The following PLCG2 variants were observed in gnomAD, a reference collection of about 807,000 sequenced individuals.
PLCG2 encodes the protein 1-phosphatidylinositol 4,5-bisphosphate phosphodiesterase gamma-2.
PLCG2 carries 69 observed loss-of-function variants against 175.6 expected under a neutral mutation model. The ratio of observed to expected loss-of-function variants is 0.39; its 90% CI spans 0.32 to 0.48. The LOEUF is 0.48. PLCG2 is among the 20% of genes least tolerant of loss of function. The pLI is 0.91. For synonymous variants in PLCG2, 827 were observed against 624.0 expected, an observed-to-expected ratio of 1.33 and a Z score of -4.85; for missense variants, 1,798 against 1,650.9, an observed-to-expected ratio of 1.09 and a Z score of -1.54.
At chr16:81,807,163 G>C (rs544404030) in intron 2 of PLCG2, among the ~76,000 whole-genome samples, 2 of 152,118 alleles carry the variant, frequency 1.3e-5, no homozygotes, top group Non-Finnish European at 2.9e-5. Context: ...CTTGTTGAAC[G>C]TGGTGATTCA....
intron 19 of PLCG2, among the ~76,000 whole-genome samples, chr16:81,916,961 C>T (rs67522021): frequency 0.39 from 59,209 of 151,930 alleles, 12,578 homozygotes; most frequent in East Asian, 0.78. Context: ...TGACTATAGT[C>T]CCTATGCTGT....
In PLCG2 at chr16:81,911,084, C is replaced by T. The variant is rs577384146; in HGVS notation, c.1934+364C>T. Among the ~76,000 whole-genome samples, 12 of 152,230 alleles carry T rather than the reference C, an allele frequency of 7.9e-5. No individual in the cohort carries two copies. In the East Asian group the frequency reaches 2.1e-3, roughly 27 times the overall value. On this transcript the variant is annotated intron_variant, in intron 18 of 32. Transcript: ENST00000564138. ...ACAAGGAAACAATGATTATAAGAGT[C>T]TCCCGCTGATTTTTTTTATCTAGTG... is the stretch of plus-strand genomic sequence containing the variant.
chr16:81,926,151 G>C (rs1181807376), intron 22 of PLCG2, among the ~76,000 whole-genome samples: 3 of 152,220 alleles, frequency 2.0e-5, no homozygotes, highest in Admixed American at 2.0e-4. Context: ...CATGGCAGGG[G>C]CATGATAGGG....
chr16:81,890,162 G>A (rs1476919343), intron 10 of PLCG2, among the ~76,000 whole-genome samples: 2 of 152,182 alleles, frequency 1.3e-5, no homozygotes, highest in African/African-American at 4.8e-5. Context: ...GATGTTATCT[G>A]TAGGAGTAAC....
rs202166689 is a variant in PLCG2 at position 81,937,739 on chromosome 16, C to A, written c.3053-19C>A. On this transcript the variant is annotated intron_variant, in intron 27 of 32. Coordinates refer to ENST00000564138, the MANE Select transcript of PLCG2 (RefSeq NM_002661.5). ...GTGCTCATGCCTGACTTACAGCAGG[C>A]GTTCACTTTCCTTCCCAGATAAGTA... The A allele has an allele frequency of 3.7e-6, 6 of 1,610,136 alleles. No individual in the cohort carries two copies. The highest frequency in any genetic ancestry group is 2.7e-5 in the African/African-American group (2 of 74,754).
rs752735427 is a variant in PLCG2, at chr16:81,956,745, A to G, written c.3621A>G (p.Gln1207=). The change falls in exon 32 of 33, where the codon CAA becomes CAG. Residue 1207 remains glutamine, a synonymous_variant. Coordinates refer to ENST00000564138, the MANE Select transcript of PLCG2 (RefSeq NM_002661.5). The part of the protein sequence containing the change: ...YSSCRQLRRR[Q]EELNNQLFLY... ...CCTGTCGCCAGCTGAGGAGGCGGCA[A>G]GAAGAACTGAACAACCAGCTCTTTC... 11 of 1,614,034 alleles carry G rather than the reference A, an allele frequency of 6.8e-6. No individual in the cohort carries two copies. The highest frequency in any genetic ancestry group is 4.5e-5 in the East Asian group (2 of 44,898).
intron 1 of PLCG2, among the ~76,000 whole-genome samples, chr16:81,781,618 C>T (rs4889381): frequency 0.35 from 52,662 of 152,004 alleles, 9,431 homozygotes; most frequent in East Asian, 0.53. Flanking sequence ...TGGCTGACAC[C>T]ATTCCTTTGA....
At chr16:81,894,650 A>T (rs545977792) in intron 12 of PLCG2, among the ~76,000 whole-genome samples, 61 of 152,242 alleles carry the variant, frequency 4.0e-4, no homozygotes, top group African/African-American at 1.3e-3. Flanking sequence ...AGGTGGGCGG[A>T]TCACTTGAGA....
At chr16:81,771,504 T>G (rs143107712) in intron 2 of PLCG2, among the ~76,000 whole-genome samples, 2 of 152,276 alleles carry the variant, frequency 1.3e-5, no homozygotes, top group Non-Finnish European at 2.9e-5. Context: ...CTCTGAGAAG[T>G]CTTCGCAGCT....
In PLCG2 at chr16:81,912,177, C is replaced by A. The variant is rs1272387431; in HGVS notation, c.1935-420C>A. On this transcript the variant is annotated intron_variant, in intron 18 of 32. Coordinates refer to ENST00000564138, the MANE Select transcript of PLCG2 (RefSeq NM_002661.5). ...TGAACTCCTGGCTTCTCGCGATCCA[C>A]CTGCCTTGGCCTCCCAAAGTGCTGG... Among the ~76,000 whole-genome samples the A allele has an allele frequency of 2.0e-5, 3 of 152,154 alleles. No homozygotes were observed. The South Asian group carries it at 6.2e-4, about 32-fold the overall frequency.
At chr16:81,840,758 G>T (rs1388985819) in intron 2 of PLCG2, among the ~76,000 whole-genome samples, 1 of 152,180 alleles carries the variant, frequency 6.6e-6, no homozygotes, top group African/African-American at 2.4e-5. Context: ...ACAGACAGGT[G>T]CCAGTTCATG....
chr16:81,746,470 G>C (rs936842011), intron 1 of PLCG2, among the ~76,000 whole-genome samples: 4 of 152,234 alleles, frequency 2.6e-5, no homozygotes, highest in Admixed American at 1.3e-4. Flanking sequence ...CTTCTGGGGA[G>C]GGTCGTTTTC....
chr16:81,845,113 A>AT (rs886960092), intron 2 of PLCG2, among the ~76,000 whole-genome samples: 21 of 150,634 alleles, frequency 1.4e-4, no homozygotes, highest in East Asian at 9.8e-4. Flanking sequence ...TATTTTTTGT[A>AT]TTTTTTTTTA....
At chr16:81,912,478 G>C in intron 18 of PLCG2, 119 bp from the exon 19 acceptor site, 1 of 1,229,492 alleles carries the variant, frequency 8.1e-7, no homozygotes, top group South Asian at 1.5e-5. Flanking sequence ...TGATTTCCAT[G>C]GTCGTTTCCA....
chr16:81,746,434 G>A (rs949408205), intron 1 of PLCG2, among the ~76,000 whole-genome samples: 3 of 152,202 alleles, frequency 2.0e-5, no homozygotes, highest in East Asian at 1.9e-4. Context: ...CGGCCGCTGG[G>A]GCAGAGTGAG....
At chr16:81,774,765 G>A (rs1278283000), upstream of PLCG2, among the ~76,000 whole-genome samples, 3 of 151,442 alleles carry the variant, frequency 2.0e-5, no homozygotes, top group African/African-American at 7.3e-5. Context: ...TTTGGTCAGG[G>A]TCTTACTCTG....
At chr16:81,872,227 G>A (rs55873405) in intron 7 of PLCG2, among the ~76,000 whole-genome samples, 2 of 151,920 alleles carry the variant, frequency 1.3e-5, no homozygotes, top group East Asian at 3.9e-4. Flanking sequence ...ACTTGGGAGG[G>A]TAAGGCAGGA....
chr16:81,881,663 G>A (rs1170351515), intron 8 of PLCG2, among the ~76,000 whole-genome samples: 4 of 152,268 alleles, frequency 2.6e-5, no homozygotes, highest in African/African-American at 4.8e-5. Flanking sequence ...ATGTATATTC[G>A]AGACGGAGCC....
At chr16:81,865,665 C>T (rs1428851450) in intron 5 of PLCG2, among the ~76,000 whole-genome samples, 2 of 152,138 alleles carry the variant, frequency 1.3e-5, no homozygotes, top group Admixed American at 6.5e-5. Context: ...CTGGCCTCTT[C>T]CTTGCTCCCA....
Sources: gnomAD v4.1 joint callset for allele counts (sites outside exome capture counted in the v4.1 genomes callset) on GRCh38, gnomAD v4.1.1 for gene constraint, MANE v1.5 for transcripts, NCBI Gene and HGNC (gene_info 2026-07-23, HGNC 2026-07-21) for gene names.